Variants in LAMB4 observed in about 807,000 individuals in gnomAD.
LAMB4 encodes the protein laminin subunit beta-4.
Under a neutral mutation model 199.2 loss-of-function variants are expected in LAMB4, and 196 were observed. The observed-to-expected ratio is 0.98, with a 90% CI of 0.88 to 1.11. LAMB4 has a LOEUF of 1.11. LAMB4 is among the 50% of genes least tolerant of loss of function. The probability of loss-of-function intolerance (pLI) is 0.00; values close to 1 mark genes in which losing one functional copy is unlikely to be tolerated. For missense variants in LAMB4, 2,080 were observed against 2,171.2 expected (o/e 0.96, Z 0.83); for synonymous variants, 744 against 770.6 (o/e 0.97, Z 0.57).
At chr7:108,108,546 C>A (rs998836917) in intron 5 of LAMB4, among the ~76,000 whole-genome samples, 1 of 152,252 alleles carries the variant, frequency 6.6e-6, no homozygotes, top group Middle Eastern at 3.4e-3. Flanking sequence ...CATTTTAAAT[C>A]AATCATCCCG....
intron 29 of LAMB4, 108 bp from the exon 30 acceptor site, chr7:108,037,703 T>C: frequency 1.3e-6 from 1 of 772,032 alleles, no homozygotes; most frequent in Non-Finnish European, 2.2e-6. Context: ...CACTTGATTA[T>C]GTGCCCCTAG....
intron 14 of LAMB4, among the ~76,000 whole-genome samples, chr7:108,080,817 T>TA (rs2036901402): frequency 6.6e-6 from 1 of 150,382 alleles, no homozygotes; most frequent in African/African-American, 2.5e-5. Flanking sequence ...TTTCAAACAT[T>TA]TAAAAAAAAA....
At chr7:108,116,296 TTAA>T (rs2038406314) in intron 2 of LAMB4, 135 bp from the exon 3 acceptor site, 1 of 829,314 alleles carries the variant, frequency 1.2e-6, no homozygotes, top group Non-Finnish European at 1.8e-6. Flanking sequence ...TTTAAGTTTA[TTAA>T]TAGATGACAA....
intron 3 of LAMB4, among the ~76,000 whole-genome samples, chr7:108,115,288 G>A (rs957207627): frequency 3.3e-5 from 5 of 152,218 alleles, no homozygotes; most frequent in Non-Finnish European, 7.4e-5. Flanking sequence ...TGAATTACAT[G>A]AGAGTTGGCT....
In LAMB4 at chr7:108,077,026, T is replaced by G; in HGVS notation, c.2042A>C (p.Asp681Ala). ...LLPTPICLEP[D>A]VQYSIDVYFS... The stretch of plus-strand genomic sequence containing the variant: ...ATAGACATCTATGGAATATTGTACA[T>G]CTGGTTCTAAACAGATGGGTGTGGG... The change falls in exon 17 of 34, where the codon GAT becomes GCT. Residue 681 changes from aspartate to alanine, a missense_variant. Asp to Ala is a moderately radical substitution (Grantham distance 126). Transcript: ENST00000388781. 1 of 1,614,020 alleles carries G rather than the reference T, an allele frequency of 6.2e-7. No individual in the cohort carries two copies. The highest frequency in any genetic ancestry group is 8.5e-7 in the Non-Finnish European group (1 of 1,179,894).
intron 1 of LAMB4, among the ~76,000 whole-genome samples, chr7:108,126,953 T>G (rs2038810343): frequency 6.6e-6 from 1 of 152,196 alleles, no homozygotes; most frequent in Non-Finnish European, 1.5e-5. Context: ...CACCTCAAAC[T>G]AATTAAGGCA....
At chr7:108,057,993 T>C in intron 23 of LAMB4, 65 bp from the exon 24 acceptor site, 1 of 1,090,918 alleles carries the variant, frequency 9.2e-7, no homozygotes, top group Non-Finnish European at 1.4e-6. Context: ...TGCATTTTAA[T>C]AGGAAATATT....
At chr7:108,099,835 T>C (rs781466350) in intron 10 of LAMB4, among the ~76,000 whole-genome samples, 4 of 152,212 alleles carry the variant, frequency 2.6e-5, no homozygotes, top group African/African-American at 4.8e-5. Context: ...TTGAAGCAAC[T>C]GGTGTTTGCT....
chr7:108,091,697 A>T lies in LAMB4; in HGVS notation c.1630T>A (p.Phe544Ile), dbSNP rs1225165463. Residue 544 changes from phenylalanine to isoleucine, a missense_variant, in exon 14 of 34, where the codon TTC (phenylalanine) becomes ATC (isoleucine). Transcript: ENST00000388781. ...AGATAGAAATTCAAAGGAGCAAAGAAGTAGCCAGGGGCTGGTTCAGAGCAG... is the reference window on the plus strand; with the variant it reads ...AGATAGAAATTCAAAGGAGCAAAGATGTAGCCAGGGGCTGGTTCAGAGCAG... ...RSCSEPAPGY[F>I]FAPLNFYLYE... The T allele has an allele frequency of 6.2e-7, 1 of 1,614,238 alleles. No homozygotes were observed. Among genetic ancestry groups the T allele is most frequent in the Non-Finnish European group, 8.5e-7 (1 of 1,180,042 alleles).
At chr7:108,079,826 C>T (rs55701332) in intron 14 of LAMB4, 40 bp from the exon 15 acceptor site, 36,181 of 1,489,990 alleles carry the variant, frequency 0.024, 514 homozygotes, top group Non-Finnish European at 0.029. Context: ...TGCCTACAGT[C>T]AAGGCCTGAA....
chr7:108,024,267 C>T (rs1323112342), intron 33 of LAMB4, 89 bp from the exon 34 acceptor site: 12 of 632,136 alleles, frequency 1.9e-5, no homozygotes, highest in Admixed American at 7.9e-5. Context: ...GGGATTTATG[C>T]GCCTCTCAAA....
At chr7:108,020,471 A>T (rs2034667822), downstream of LAMB4, among the ~76,000 whole-genome samples, 1 of 100,734 alleles carries the variant, frequency 9.9e-6, no homozygotes, top group African/African-American at 8.0e-5. Flanking sequence ...ACTCCATCTC[A>T]AAAAAAAAAA....
In LAMB4 at chr7:108,111,875, G is replaced by A; in HGVS notation, c.264C>T (p.Thr88=). 2 of 1,611,336 alleles carry A rather than the reference G, an allele frequency of 1.2e-6. No individual in the cohort carries two copies. Among genetic ancestry groups the A allele is most frequent in the Non-Finnish European group, 1.7e-6 (2 of 1,178,484 alleles). The part of the protein sequence containing the change: ...YDPYDQPNSH[T]IENVIVSFEP... ...CAAAACTTACAATGACATTCTCAAT[G>A]GTGTGGCTGTTGGGTTGGTCATACG... is the stretch of plus-strand genomic sequence containing the variant. The change falls in exon 4 of 34, where the codon ACC becomes ACT. Residue 88 remains threonine (T), a synonymous_variant. Transcript: ENST00000388781.
Position 108,103,164 on chromosome 7 carries a change from G to A in LAMB4, c.1060C>T (p.Leu354Phe), listed in dbSNP as rs147967691. ...CAGTCTTCACACACGCCCCCGCTGA[G>A]GCCACCGCTTGCCAGGTACGTAGTC... ...DMTTYLASGG[L>F]SGGVCEDCQH... The change falls in exon 10 of 34, where the codon CTC becomes TTC. Residue 354 changes from leucine to phenylalanine, a missense_variant. Transcript: ENST00000388781. 1.7e-5 allele frequency: 28 copies of A among 1,607,788 alleles called. No homozygotes were observed. Among genetic ancestry groups the A allele is most frequent in the Middle Eastern group, 1.6e-4 (1 of 6,076 alleles).
At chr7:108,095,359 T>G in intron 11 of LAMB4, 22 bp from the exon 12 acceptor site, 1 of 1,521,376 alleles carries the variant, frequency 6.6e-7, no homozygotes. Flanking sequence ...GCATACACAA[T>G]TATTCTCATT....
rs1160532613 is a variant in LAMB4, at chr7:108,068,014, A to T, written c.2446+2T>A. The T allele has an allele frequency of 1.9e-6, 3 of 1,614,168 alleles. No individual in the cohort carries two copies. The highest frequency in any genetic ancestry group is 2.5e-6 in the Non-Finnish European group (3 of 1,180,018). ...TTTCCCCTTGTGTGTTTTGCTACGT[A>T]CGGTGACAGCCGTGATGCCCCAAAT... On this transcript the variant is annotated splice_donor_variant, in intron 19 of 33. Coordinates refer to ENST00000388781, the MANE Select transcript of LAMB4 (RefSeq NM_007356.3). LOFTEE classifies it high-confidence loss of function.
At position 108,055,858 on chromosome 7, in the gene LAMB4, A is replaced by G. The variant is rs140777385; in HGVS notation, c.3529T>C (p.Leu1177=). ...GTGTGGTCCCACTGATCAAAGCACA[A>G]GTGACATTGAAGACAAGTAGGGAAT... ...QEFPTCLQCH[L]CFDQWDHTIS... Residue 1177 remains leucine, a synonymous_variant, in exon 25 of 34, where the codon TTG becomes CTG. Transcript: ENST00000388781. 2.4e-5 allele frequency: 38 copies of G among 1,614,168 alleles called. No individual in the cohort carries two copies. The East Asian group carries it at 7.8e-4, about 33-fold the overall frequency.
At chr7:108,102,744 T>C in intron 10 of LAMB4, among the ~76,000 whole-genome samples, 1 of 152,218 alleles carries the variant, frequency 6.6e-6, no homozygotes, top group Non-Finnish European at 1.5e-5. Context: ...TCGAATGTTT[T>C]AGCCAATTTT....
the LAMB4 span, among the ~76,000 whole-genome samples, chr7:108,017,835 C>G: frequency 1.3e-5 from 2 of 152,208 alleles, no homozygotes; most frequent in Non-Finnish European, 2.9e-5. Flanking sequence ...ATATCTCACT[C>G]TTCTCAAAGC....
Sources: gnomAD v4.1 joint callset for allele counts (sites outside exome capture counted in the v4.1 genomes callset) on GRCh38, gnomAD v4.1.1 for gene constraint, MANE v1.5 for transcripts, NCBI Gene and HGNC (gene_info 2026-07-23, HGNC 2026-07-21) for gene names.